Variants in FGD2 observed in about 807,000 individuals in gnomAD.
FGD2 encodes the protein FYVE, RhoGEF and PH domain containing 2, also known as FYVE, RhoGEF and PH domain-containing protein 2.
A neutral mutation model predicts 75.9 loss-of-function variants in FGD2; 52 were observed. The observed-to-expected ratio is 0.69, with a 90% CI of 0.55 to 0.86. The LOEUF (loss-of-function observed/expected upper bound fraction) is 0.86, where lower values mean the gene tolerates loss of function less well. FGD2 is among the 40% of genes least tolerant of loss of function. The pLI, the probability that FGD2 is intolerant of heterozygous loss-of-function variation, is 0.00. For missense variants in FGD2, 790 were observed against 872.0 expected, an observed-to-expected ratio of 0.91 and a Z score of 1.18; for synonymous variants, 347 against 348.6, an observed-to-expected ratio of 1.00 and a Z score of 0.05.
In FGD2 at chr6:37,028,238, C is replaced by T. The variant is rs1190608891; in HGVS notation, c.*75C>T. The T allele has an allele frequency of 3.7e-6, 5 of 1,349,262 alleles. No homozygotes were observed. Among genetic ancestry groups the T allele is most frequent in the South Asian group, 1.5e-5 (1 of 67,128 alleles). The allele number at this position is 1,349,262 out of a possible 1,614,324, so 83.6% of individuals were successfully genotyped here. On this transcript the variant is annotated 3_prime_UTR_variant, in exon 16 of 16. Coordinates refer to ENST00000274963, the MANE Select transcript of FGD2 (RefSeq NM_173558.4). Reference sequence around the variant, plus strand: ...TCCTGCCACAGACTGACCCTGTGGCCTCAGTGACCCACTGCCCCAAGTGGT... The same window carrying T: ...TCCTGCCACAGACTGACCCTGTGGCTTCAGTGACCCACTGCCCCAAGTGGT...
At chr6:37,021,363 G>A (rs1305158373) in intron 11 of FGD2, 149 bp from the exon 12 acceptor site, 3 of 653,968 alleles carry the variant, frequency 4.6e-6, no homozygotes, top group Admixed American at 2.9e-5. Flanking sequence ...TTTCTCCTCC[G>A]ATAAGGCAGC....
intron 3 of FGD2, 56 bp downstream of exon 3, chr6:37,011,106 C>T (rs905640262): frequency 2.6e-6 from 4 of 1,518,474 alleles, no homozygotes; most frequent in Non-Finnish European, 3.6e-6. Flanking sequence ...CCTCACCTCA[C>T]CCCTTCTCAG....
chr6:37,008,781 T>A, intron 1 of FGD2, 53 bp from the exon 2 acceptor site: 1 of 1,483,630 alleles, frequency 6.7e-7, no homozygotes, highest in Non-Finnish European at 9.0e-7. Flanking sequence ...GACTTGCTGC[T>A]GTTTTCCCTG....
intron 14 of FGD2, chr6:37,026,314 C>G (rs1388272247): frequency 1.0e-6 from 1 of 985,314 alleles, no homozygotes; most frequent in Non-Finnish European, 1.2e-6. Context: ...GATGGGAACA[C>G]TGACGCTCCA....
At position 37,014,894 on chromosome 6, in the gene FGD2, G is replaced by C; in HGVS notation, c.885G>C (p.Glu295Asp). ...QHSNAAITEM[E>D]RLQDLWEVYQ... ...GAGGATGCACCCCAACCCCCTAGGA[G>C]CGGCTGCAGGACCTGTGGGAGGTGT... The change falls in exon 8 of 16, where the codon GAG (glutamate) becomes GAC (aspartate). Residue 295 changes from glutamate (E) to aspartate (D), a missense_variant and splice_region_variant. Coordinates refer to ENST00000274963, the MANE Select transcript of FGD2 (RefSeq NM_173558.4). The C allele has an allele frequency of 6.2e-7, 1 of 1,613,662 alleles. No homozygotes were observed. Among genetic ancestry groups the C allele is most frequent in the Non-Finnish European group, 8.5e-7 (1 of 1,179,748 alleles).
chr6:37,008,031 C>G (rs78826577), intron 1 of FGD2, among the ~76,000 whole-genome samples: 1 of 152,216 alleles, frequency 6.6e-6, no homozygotes, highest in Non-Finnish European at 1.5e-5. Context: ...ACTTCCGAGC[C>G]GCATGTTACT....
chr6:37,007,538 T>G (rs1764810989), intron 1 of FGD2, among the ~76,000 whole-genome samples: 1 of 151,978 alleles, frequency 6.6e-6, no homozygotes, highest in Non-Finnish European at 1.5e-5. Context: ...CTGGCAGGAG[T>G]GGGCAGCCCT....
chr6:37,021,560 A>G lies in FGD2; in HGVS notation c.1282A>G (p.Lys428Glu). 6.2e-7 allele frequency: 1 copy of G among 1,614,004 alleles called. No individual in the cohort carries two copies. Among genetic ancestry groups the G allele is most frequent in the Non-Finnish European group, 8.5e-7 (1 of 1,179,900 alleles). ...AATCGAGAAGCGGAATGAAACCTTC[A>G]AGGCTGCGGCCCAGGGGCCTGAGGG... The part of the protein sequence containing the change: ...DQIEKRNETF[K>E]AAAQGPEGDI... The change falls in exon 12 of 16, where the codon AAG becomes GAG. Residue 428 changes from lysine (K) to glutamate (E), a missense_variant. Physicochemically the swap from Lys to Glu is moderately conservative, Grantham distance 56 (BLOSUM62 1). Coordinates refer to ENST00000274963, the MANE Select transcript of FGD2 (RefSeq NM_173558.4).
intron 11 of FGD2, among the ~76,000 whole-genome samples, chr6:37,020,948 ATGTCTG>A (rs1374898194): frequency 7.3e-6 from 1 of 137,308 alleles, no homozygotes; most frequent in Non-Finnish European, 1.6e-5. Flanking sequence ...CTGTGTGTGC[ATGTCTG>A]TGTCTGTGTG....
chr6:37,026,927 G>C (rs1437763851), intron 14 of FGD2, among the ~76,000 whole-genome samples: 1 of 151,700 alleles, frequency 6.6e-6, no homozygotes, highest in Non-Finnish European at 1.5e-5. Context: ...AGAATCTCTT[G>C]AACCCGGGAG....
chr6:37,008,333 C>T (rs921807355), intron 1 of FGD2, among the ~76,000 whole-genome samples: 5 of 152,218 alleles, frequency 3.3e-5, no homozygotes, highest in Non-Finnish European at 4.4e-5. Flanking sequence ...AACAGAGCAT[C>T]TGCTGCTGGG....
chr6:37,022,221 A>G lies in FGD2; in HGVS notation c.1327-18A>G. ...GTCACCAAGGGCCCATTCCTGCCCA[A>G]CTCCCCTTAACCCACAGCTGCAGTC... On this transcript the variant is annotated intron_variant, in intron 12 of 15. Coordinates refer to ENST00000274963, the MANE Select transcript of FGD2 (RefSeq NM_173558.4). 1.9e-6 allele frequency: 3 copies of G among 1,596,084 alleles called. No individual in the cohort carries two copies. The highest frequency in any genetic ancestry group is 1.7e-5 in the Admixed American group (1 of 57,954).
At chr6:37,013,860 C>T in intron 5 of FGD2, 95 bp downstream of exon 5, 1 of 1,584,698 alleles carries the variant, frequency 6.3e-7, no homozygotes, top group South Asian at 1.2e-5. Context: ...CCAGGCTCAG[C>T]TGCTTCCATA....
chr6:37,016,004 G>A (rs1765269171), intron 9 of FGD2, 144 bp downstream of exon 9: 1 of 761,152 alleles, frequency 1.3e-6, no homozygotes, highest in Non-Finnish European at 2.1e-6. Context: ...AAGAGTGTGG[G>A]GCTCTCCCCT....
At chr6:37,015,628 T>C (rs1765246336) in intron 8 of FGD2, 140 bp from the exon 9 acceptor site, 5 of 740,618 alleles carry the variant, frequency 6.8e-6, no homozygotes, top group Middle Eastern at 3.7e-4. Context: ...TGATGTCCTG[T>C]GAGCAGGCTG....
chr6:37,014,930 G>A lies in FGD2; in HGVS notation c.921G>A (p.Leu307=). Residue 307 remains leucine, a synonymous_variant, in exon 8 of 16, where the codon CTG becomes CTA. Coordinates refer to ENST00000274963, the MANE Select transcript of FGD2 (RefSeq NM_173558.4). ...ACCTGTGGGAGGTGTACCAGCGCCT[G>A]GGCCTCGAGGACGACATAGTAGACC... ...LQDLWEVYQR[L]GLEDDIVDPS... 6.2e-7 allele frequency: 1 copy of A among 1,614,134 alleles called. No individual in the cohort carries two copies. The highest frequency in any genetic ancestry group is 8.5e-7 in the Non-Finnish European group (1 of 1,180,008).
At chr6:37,020,122 G>T (rs923859974) in intron 9 of FGD2, among the ~76,000 whole-genome samples, 7 of 152,146 alleles carry the variant, frequency 4.6e-5, no homozygotes, top group African/African-American at 1.2e-4. Context: ...AAAATGCTGG[G>T]ATTACAGGCG....
In FGD2 at chr6:37,011,725, T is replaced by A. The variant is rs1315517186; in HGVS notation, c.398T>A (p.Leu133Gln). ...CTACAGGTGTTTTTCCAGGAGCTGC[T>A]GAAGACAGCCCGCAGCAGCAAGGCC... ...LLDQVFFQEL[L>Q]KTARSSKAFP... The change falls in exon 4 of 16, where the codon CTG becomes CAG. Residue 133 changes from leucine to glutamine, a missense_variant. Leu to Gln is a moderately radical substitution (Grantham distance 113). Transcript: ENST00000274963. The A allele has an allele frequency of 6.2e-7, 1 of 1,614,158 alleles. No homozygotes were observed. The highest frequency in any genetic ancestry group is 8.5e-7 in the Non-Finnish European group (1 of 1,180,020).
In FGD2 at chr6:37,028,143, G is replaced by A. The variant is rs774779856; in HGVS notation, c.1948G>A (p.Asp650Asn). The change falls in exon 16 of 16, where the codon GAT becomes AAT. Residue 650 changes from aspartate (D) to asparagine (N), a missense_variant. Transcript: ENST00000274963. The part of the protein sequence containing the change: ...ASGWSPSWPN[D>N]GDLSD ...TGGCTGGAGCCCCAGCTGGCCCAAC[G>A]ATGGGGACCTGTCCGACTGAGCCAC... 30 of 1,599,806 alleles carry A rather than the reference G, an allele frequency of 1.9e-5. No individual in the cohort carries two copies. The highest frequency in any genetic ancestry group is 2.0e-4 in the Middle Eastern group (1 of 5,008).
Sources: gnomAD v4.1 joint callset for allele counts (sites outside exome capture counted in the v4.1 genomes callset) on GRCh38, gnomAD v4.1.1 for gene constraint, MANE v1.5 for transcripts, NCBI Gene and HGNC (gene_info 2026-07-23, HGNC 2026-07-21) for gene names.